Variants in ARL15 observed in about 807,000 individuals in gnomAD.
ARL15 encodes ADP-ribosylation factor-like protein 15.
ARL15 carries 19 observed loss-of-function variants against 25.2 expected under a neutral mutation model. The observed-to-expected ratio is 0.75, with a 90% CI of 0.53 to 1.10. The LOEUF (loss-of-function observed/expected upper bound fraction) is 1.10, where lower values mean the gene tolerates loss of function less well. Among genes scored for constraint, ARL15 ranks in the 50% least tolerant of loss-of-function variants. ARL15 has a pLI of 0.00. For missense variants in ARL15, 220 were observed against 246.0 expected (o/e 0.89, Z 0.71); for synonymous variants, 94 against 86.8 (o/e 1.08, Z -0.46).
intron 4 of ARL15, among the ~76,000 whole-genome samples, chr5:54,059,966 C>A (rs1048401648): frequency 3.3e-5 from 5 of 151,864 alleles, no homozygotes; most frequent in African/African-American, 7.3e-5. Context: ...TATAAATTTT[C>A]TTAATAACTG....
chr5:54,281,784 T>C (rs372895852), intron 1 of ARL15, among the ~76,000 whole-genome samples: 8 of 152,206 alleles, frequency 5.3e-5, no homozygotes, highest in African/African-American at 1.4e-4. Context: ...TTGAACTCCA[T>C]AGAAATGAAA....
chr5:54,145,905 T>A (rs1753895667), intron 3 of ARL15, among the ~76,000 whole-genome samples: 1 of 152,184 alleles, frequency 6.6e-6, no homozygotes, highest in African/African-American at 2.4e-5. Context: ...AAATCTCCAA[T>A]CTTGTTTCAT....
intron 4 of ARL15, among the ~76,000 whole-genome samples, chr5:54,030,268 A>G (rs1400122903): frequency 6.6e-6 from 1 of 152,188 alleles, no homozygotes; most frequent in Non-Finnish European, 1.5e-5. Flanking sequence ...TATAAGACAC[A>G]TAAGGGCTTC....
intron 4 of ARL15, among the ~76,000 whole-genome samples, chr5:53,891,868 C>T (rs1310827180): frequency 3.3e-5 from 5 of 152,158 alleles, no homozygotes; most frequent in African/African-American, 2.4e-5. Context: ...GAAGGCAGCT[C>T]GGGTGCCAGC....
At chr5:54,217,279 C>T (rs1295823998) in intron 1 of ARL15, among the ~76,000 whole-genome samples, 1 of 150,642 alleles carries the variant, frequency 6.6e-6, no homozygotes, top group Non-Finnish European at 1.5e-5. Flanking sequence ...CTAAAAATAT[C>T]TTAAAATAAG....
intron 4 of ARL15, among the ~76,000 whole-genome samples, chr5:54,013,841 C>T (rs1018588633): frequency 6.6e-6 from 1 of 150,846 alleles, no homozygotes; most frequent in Non-Finnish European, 1.5e-5. Context: ...CATTCCCTTA[C>T]CCCCCCACCC....
chr5:54,237,990 G>A (rs1457149239), intron 1 of ARL15, among the ~76,000 whole-genome samples: 3 of 152,134 alleles, frequency 2.0e-5, no homozygotes, highest in Admixed American at 6.6e-5. Context: ...AAATCCACAA[G>A]AGTACCAGAG....
At chr5:53,980,587 A>G (rs1748087606) in intron 4 of ARL15, among the ~76,000 whole-genome samples, 2 of 152,226 alleles carry the variant, frequency 1.3e-5, no homozygotes, top group South Asian at 4.1e-4. Flanking sequence ...TTAGTTCTCT[A>G]TACCTGCTTA....
chr5:54,218,763 T>C (rs1007696450), intron 1 of ARL15, among the ~76,000 whole-genome samples: 2 of 152,126 alleles, frequency 1.3e-5, no homozygotes. Flanking sequence ...AGATACCAAG[T>C]AGATGCTTTA....
At chr5:53,893,680 G>C (rs1744789475) in intron 4 of ARL15, among the ~76,000 whole-genome samples, 1 of 152,190 alleles carries the variant, frequency 6.6e-6, no homozygotes, top group Non-Finnish European at 1.5e-5. Flanking sequence ...TCTTGTATAT[G>C]TATTTGCAAA....
intron 4 of ARL15, among the ~76,000 whole-genome samples, chr5:53,998,463 C>A (rs1386723023): frequency 4.6e-5 from 7 of 152,062 alleles, no homozygotes; most frequent in African/African-American, 1.7e-4. Flanking sequence ...ATTTAGCATA[C>A]CTTTAAGTGG....
intron 1 of ARL15, among the ~76,000 whole-genome samples, chr5:54,204,862 T>C (rs1035545297): frequency 2.0e-4 from 31 of 152,108 alleles, no homozygotes; most frequent in Admixed American, 1.1e-3. Flanking sequence ...TTGTGCACTG[T>C]TTTTCATGGA....
In ARL15 at chr5:54,009,604, A is replaced by AG. The variant is rs774418397; in HGVS notation, c.462+103597_462+103598insC. Among the ~76,000 whole-genome samples, 109 of 152,158 alleles carry AG rather than the reference A, an allele frequency of 7.2e-4. No homozygotes were observed. In the Middle Eastern group the frequency reaches 0.014, roughly 19 times the overall value. On this transcript the variant is annotated intron_variant, in intron 4 of 4. Transcript: ENST00000504924. ...TATGGACTGCGAATATTGTGCACAA[A>AG]CTCTTTTGTCTTCAGCCCAAGAGAT...
chr5:54,234,320 GT>G (rs1466133356), intron 1 of ARL15, among the ~76,000 whole-genome samples: 1 of 148,626 alleles, frequency 6.7e-6, no homozygotes, highest in African/African-American at 2.5e-5. Flanking sequence ...AAATGCATTA[GT>G]AAAAAAAAAA....
At chr5:54,038,819 A>G (rs922176540) in intron 4 of ARL15, among the ~76,000 whole-genome samples, 5 of 152,142 alleles carry the variant, frequency 3.3e-5, no homozygotes, top group African/African-American at 1.2e-4. Context: ...TCATTGCCAT[A>G]TATTCATACC....
intron 3 of ARL15, among the ~76,000 whole-genome samples, chr5:54,146,961 T>C (rs1753930858): frequency 6.6e-6 from 1 of 152,170 alleles, no homozygotes; most frequent in Non-Finnish European, 1.5e-5. Context: ...GCCCCTAGAT[T>C]CATTTATTTG....
intron 4 of ARL15, among the ~76,000 whole-genome samples, chr5:54,111,247 A>G (rs547814749): frequency 6.6e-6 from 1 of 152,210 alleles, no homozygotes; most frequent in Admixed American, 6.5e-5. Context: ...AATAAAAAGG[A>G]AACTCAAAGC....
intron 4 of ARL15, among the ~76,000 whole-genome samples, chr5:53,911,416 C>T (rs141134363): frequency 2.7e-4 from 41 of 152,158 alleles, no homozygotes; most frequent in African/African-American, 8.9e-4. Context: ...TTCCTTCCCC[C>T]ATGACTGTGA....
At chr5:54,101,051 GT>G (rs983475832) in intron 4 of ARL15, among the ~76,000 whole-genome samples, 1 of 152,016 alleles carries the variant, frequency 6.6e-6, no homozygotes, top group African/African-American at 2.4e-5. Flanking sequence ...ACCTTAGTTA[GT>G]CATACAATCT....
Sources: allele counts gnomAD v4.1 joint callset (sites outside exome capture counted in the v4.1 genomes callset), GRCh38; gene constraint gnomAD v4.1.1; transcripts MANE v1.5; gene names NCBI Gene and HGNC (gene_info 2026-07-23, HGNC 2026-07-21).